NUDT3: variants seen among roughly 807,000 people sequenced by gnomAD.
NUDT3 encodes diphosphoinositol polyphosphate phosphohydrolase 1.
Under a neutral mutation model 23.6 loss-of-function variants are expected in NUDT3, and 9 were observed. The observed-to-expected ratio is 0.38, with a 90% CI of 0.23 to 0.66. The LOEUF is 0.66. NUDT3 is among the 30% of genes least tolerant of loss of function. NUDT3 has a pLI of 0.52. For missense variants in NUDT3, 172 were observed against 218.5 expected, an observed-to-expected ratio of 0.79 and a Z score of 1.34; for synonymous variants, 86 against 82.6, an observed-to-expected ratio of 1.04 and a Z score of -0.22.
chr6:34,321,669 T>A (rs1350658669), intron 2 of NUDT3, among the ~76,000 whole-genome samples: 2 of 152,100 alleles, frequency 1.3e-5, no homozygotes, highest in Admixed American at 1.3e-4. Context: ...TCTTTCCCAA[T>A]CCATTCCATG....
intron 1 of NUDT3, among the ~76,000 whole-genome samples, chr6:34,390,640 G>T (rs895807382): frequency 6.6e-6 from 1 of 152,110 alleles, no homozygotes; most frequent in Non-Finnish European, 1.5e-5. Context: ...TTACAGGCGT[G>T]AGCCACCACG....
Position 34,290,626 on chromosome 6 carries a change from A to G in NUDT3, c.341-1695T>C, listed in dbSNP as rs948898764. 2.0e-5 allele frequency among the ~76,000 whole-genome samples: 3 copies of G among 150,772 alleles called. No homozygotes were observed. The Admixed American group carries it at 2.0e-4, about 10-fold the overall frequency. On this transcript the variant is annotated intron_variant, in intron 4 of 4. Coordinates refer to ENST00000607016, the MANE Select transcript of NUDT3 (RefSeq NM_006703.4). The stretch of plus-strand genomic sequence containing the variant: ...AGGACTGCTTGAACCCAGGAGGTTG[A>G]GGCTGCAGTGAGCTGTGATCATGCC...
intron 1 of NUDT3, among the ~76,000 whole-genome samples, chr6:34,379,150 T>A (rs566735810): frequency 3.4e-4 from 52 of 152,370 alleles, no homozygotes; most frequent in Middle Eastern, 6.8e-3. Flanking sequence ...AATAGAAAAG[T>A]CCACCTATAT....
At chr6:34,308,872 G>A (rs568849176) in intron 2 of NUDT3, among the ~76,000 whole-genome samples, 12 of 152,244 alleles carry the variant, frequency 7.9e-5, no homozygotes, top group South Asian at 6.2e-4. Flanking sequence ...CCCCTCTATC[G>A]AAACAGGCAG....
At chr6:34,337,703 G>A (rs536382670) in intron 2 of NUDT3, among the ~76,000 whole-genome samples, 4 of 152,302 alleles carry the variant, frequency 2.6e-5, no homozygotes, top group South Asian at 4.1e-4. Context: ...AACAAATAAG[G>A]TGAGCTTTCC....
intron 1 of NUDT3, among the ~76,000 whole-genome samples, chr6:34,375,780 T>C (rs1374333967): frequency 1.3e-5 from 2 of 152,214 alleles, no homozygotes; most frequent in Non-Finnish European, 2.9e-5. Flanking sequence ...CACACGTCCA[T>C]CTTACCATTC....
chr6:34,316,803 C>G (rs1763868635), intron 2 of NUDT3, among the ~76,000 whole-genome samples: 1 of 152,076 alleles, frequency 6.6e-6, no homozygotes, highest in Non-Finnish European at 1.5e-5. Flanking sequence ...GAGCTGAGGT[C>G]CCAGAGGGAG....
chr6:34,330,448 AG>A (rs1387160889), intron 2 of NUDT3, among the ~76,000 whole-genome samples: 27 of 152,192 alleles, frequency 1.8e-4, no homozygotes, highest in Non-Finnish European at 4.4e-5. Flanking sequence ...TAAATGTAGA[AG>A]ATACACATTT....
chr6:34,366,568 G>GT (rs931193572), intron 1 of NUDT3, among the ~76,000 whole-genome samples: 1 of 150,558 alleles, frequency 6.6e-6, no homozygotes, highest in Non-Finnish European at 1.5e-5. Context: ...TTACTGTTTT[G>GT]TTTTTTAGAG....
intron 2 of NUDT3, among the ~76,000 whole-genome samples, chr6:34,306,549 G>C (rs1008363788): frequency 4.6e-5 from 7 of 152,224 alleles, no homozygotes; most frequent in Non-Finnish European, 8.8e-5. Flanking sequence ...TGTGGAGCTG[G>C]ATGGAAAAGC....
chr6:34,337,312 T>G (rs545022896), intron 2 of NUDT3, among the ~76,000 whole-genome samples: 9 of 152,230 alleles, frequency 5.9e-5, no homozygotes, highest in Non-Finnish European at 1.3e-4. Context: ...AGAGCATGCC[T>G]GCAGTCAGAA....
At chr6:34,362,765 A>G (rs1764669879) in intron 1 of NUDT3, among the ~76,000 whole-genome samples, 1 of 152,072 alleles carries the variant, frequency 6.6e-6, no homozygotes, top group African/African-American at 2.4e-5. Flanking sequence ...CCCAAGTTCT[A>G]TTCATGTAAA....
chr6:34,370,696 A>G (rs962255294), intron 1 of NUDT3, among the ~76,000 whole-genome samples: 3 of 152,364 alleles, frequency 2.0e-5, no homozygotes, highest in East Asian at 1.9e-4. Context: ...AGTGAAGTCC[A>G]GCACCTCTGG....
intron 2 of NUDT3, among the ~76,000 whole-genome samples, chr6:34,325,340 A>G (rs1333672565): frequency 6.6e-6 from 1 of 152,010 alleles, no homozygotes; most frequent in Non-Finnish European, 1.5e-5. Flanking sequence ...TCCTGAGTAG[A>G]TGGAACTATA....
chr6:34,386,823 A>C (rs1470530490), intron 1 of NUDT3, among the ~76,000 whole-genome samples: 1 of 152,218 alleles, frequency 6.6e-6, no homozygotes, highest in Non-Finnish European at 1.5e-5. Context: ...GTCATATAAA[A>C]GTCTAGCACA....
At position 34,288,520 on chromosome 6, in the gene NUDT3, C is replaced by T; in HGVS notation, c.*233G>A. ...TGGGAAGAGGGAGGGACAGATCATGCACAAAAGTACTTACAAATTACACAC... is the reference window on the plus strand; with the variant it reads ...TGGGAAGAGGGAGGGACAGATCATGTACAAAAGTACTTACAAATTACACAC... On this transcript the variant is annotated 3_prime_UTR_variant, in exon 5 of 5. Transcript: ENST00000607016. 1 of 518,322 alleles carries T rather than the reference C, an allele frequency of 1.9e-6. No homozygotes were observed. The highest frequency in any genetic ancestry group is 2.7e-5 in the South Asian group (1 of 37,280). 32.1% of individuals were successfully genotyped at this position (518,322 alleles called of 1,614,324 possible). A position where few individuals can be genotyped will look rare whatever the true frequency, so the allele number is the denominator to read the frequency against.
intron 2 of NUDT3, among the ~76,000 whole-genome samples, chr6:34,297,347 T>C (rs1246647611): frequency 2.6e-5 from 4 of 152,072 alleles, no homozygotes; most frequent in African/African-American, 9.7e-5. Context: ...CCAGTGAAGC[T>C]GCCTGACAAG....
At chr6:34,349,983 G>A (rs1202204021) in intron 1 of NUDT3, among the ~76,000 whole-genome samples, 4 of 150,130 alleles carry the variant, frequency 2.7e-5, no homozygotes, top group South Asian at 2.1e-4. Context: ...CCAGCTACTC[G>A]GGAGGCTAGG....
At position 34,351,217 on chromosome 6, in the gene NUDT3, A is replaced by C. The variant is rs796748581; in HGVS notation, c.100-9245T>G. On this transcript the variant is annotated intron_variant, in intron 1 of 4. Transcript: ENST00000607016. ...CCTGCCTAAAAAAAAAAAAAAAAAA[A>C]AAAAAAAAACACTTTGGGAGGCCAA... Among the ~76,000 whole-genome samples the C allele has an allele frequency of 7.2e-4, 98 of 136,332 alleles. 9 individuals are homozygous for C. The highest frequency in any genetic ancestry group is 2.2e-3 in the African/African-American group (78 of 34,706). The allele number at this position is 136,332 out of a possible 152,430, so 89.4% of individuals were successfully genotyped here. A position where few individuals can be genotyped will look rare whatever the true frequency, so the allele number is the denominator to read the frequency against.
Sources: allele counts gnomAD v4.1 joint callset (sites outside exome capture counted in the v4.1 genomes callset), GRCh38; gene constraint gnomAD v4.1.1; transcripts MANE v1.5; gene names NCBI Gene and HGNC (gene_info 2026-07-23, HGNC 2026-07-21).